The following SLC36A1 variants were observed in gnomAD, a reference collection of about 807,000 sequenced individuals.
SLC36A1 encodes proton-coupled amino acid transporter 1.
Under a neutral mutation model 47.5 loss-of-function variants are expected in SLC36A1, and 30 were observed. That is an observed-to-expected ratio of 0.63 (90% CI 0.47 to 0.86). The LOEUF (loss-of-function observed/expected upper bound fraction) is 0.86. Among genes scored for constraint, SLC36A1 ranks in the 40% least tolerant of loss-of-function variants. The pLI is 0.00. For synonymous variants in SLC36A1, 255 were observed against 249.7 expected, an observed-to-expected ratio of 1.02 and a Z score of -0.20; for missense variants, 517 against 606.0, an observed-to-expected ratio of 0.85 and a Z score of 1.54.
the SLC36A1 span, among the ~76,000 whole-genome samples, chr5:151,373,571 A>C: frequency 6.6e-6 from 1 of 152,194 alleles, no homozygotes; most frequent in Admixed American, 6.5e-5. Flanking sequence ...CCTTTTTTTA[A>C]AAAAACAAAT....
the SLC36A1 span, among the ~76,000 whole-genome samples, chr5:151,530,263 A>G: frequency 6.6e-6 from 1 of 152,244 alleles, no homozygotes; most frequent in African/African-American, 2.4e-5. Context: ...AAAAAAAAAA[A>G]AAGCCAGTTA....
chr5:151,427,542 G>T, the SLC36A1 span, among the ~76,000 whole-genome samples: 1 of 152,264 alleles, frequency 6.6e-6, no homozygotes, highest in African/African-American at 2.4e-5. Context: ...TAAGAGTTTT[G>T]TCAGACTGAA....
chr5:151,463,741 A>G (rs948333640), intron 3 of SLC36A1, 98 bp downstream of exon 3: 13 of 920,474 alleles, frequency 1.4e-5, no homozygotes, highest in Non-Finnish European at 1.9e-5. Flanking sequence ...TTTTAAATAG[A>G]GAAGCATTTT....
At chr5:151,377,497 C>T in the SLC36A1 span, among the ~76,000 whole-genome samples, 5 of 151,272 alleles carry the variant, frequency 3.3e-5, no homozygotes, top group South Asian at 2.1e-4. Flanking sequence ...TACAGGCGCG[C>T]GCCACCATGC....
chr5:151,433,426 G>A (rs933067678), upstream of SLC36A1, among the ~76,000 whole-genome samples: 2 of 147,830 alleles, frequency 1.4e-5, no homozygotes, highest in African/African-American at 2.5e-5. Context: ...TAGGATTACA[G>A]GCACCCACCA....
chr5:151,522,189 C>T, the SLC36A1 span: 1 of 929,680 alleles, frequency 1.1e-6, no homozygotes, highest in Non-Finnish European at 1.6e-6. Context: ...CTGCCCCACG[C>T]CCAACTTGAG....
chr5:151,349,475 G>A, the SLC36A1 span, among the ~76,000 whole-genome samples: 64 of 152,136 alleles, frequency 4.2e-4, no homozygotes, highest in African/African-American at 1.5e-3. Context: ...CTCTAACTAT[G>A]AAGCTGTGGC....
At chr5:151,535,076 A>G in the SLC36A1 span, among the ~76,000 whole-genome samples, 1 of 150,760 alleles carries the variant, frequency 6.6e-6, no homozygotes, top group Admixed American at 6.6e-5. Context: ...TGTTTATAAT[A>G]GCAACTATTG....
Position 151,479,342 on chromosome 5 carries a change from C to T in SLC36A1, c.1012C>T (p.Leu338=), listed in dbSNP as rs771658276. 1 of 1,614,172 alleles carries T rather than the reference C, an allele frequency of 6.2e-7. No homozygotes were observed. Among genetic ancestry groups the T allele is most frequent in the South Asian group, 1.1e-5 (1 of 91,088 alleles). Residue 338 remains leucine, a synonymous_variant, in exon 10 of 11, where the codon CTG becomes TTG. Transcript: ENST00000243389. ...NCWLYQSVKL[L]YSIGIFFTYA... ...CAGGTTGTACCAGTCAGTTAAGCTG[C>T]TGTACTCCATCGGGATCTTTTTCAC...
At chr5:151,529,998 A>C in the SLC36A1 span, among the ~76,000 whole-genome samples, 8 of 152,224 alleles carry the variant, frequency 5.3e-5, no homozygotes, top group African/African-American at 1.4e-4. Context: ...ACAGCATCAC[A>C]TGCCAATGAA....
At chr5:151,544,428 A>G in the SLC36A1 span, 2 of 1,614,086 alleles carry the variant, frequency 1.2e-6, no homozygotes, top group South Asian at 1.1e-5. Flanking sequence ...TCTTGGACTC[A>G]TAGTCCAAAG....
At chr5:151,362,387 TTC>T in the SLC36A1 span, among the ~76,000 whole-genome samples, 1 of 136,052 alleles carries the variant, frequency 7.4e-6, no homozygotes, top group East Asian at 2.1e-4. Context: ...TGATTGATTC[TTC>T]TTTTTTTTTT....
chr5:151,441,826 A>G (rs527874780), intron 1 of SLC36A1, among the ~76,000 whole-genome samples: 3 of 152,178 alleles, frequency 2.0e-5, no homozygotes, highest in Middle Eastern at 3.2e-3. Context: ...ATGTAACTTG[A>G]TAAGTTTCAA....
the SLC36A1 span, among the ~76,000 whole-genome samples, chr5:151,370,693 T>A: frequency 6.6e-6 from 1 of 152,144 alleles, no homozygotes; most frequent in Non-Finnish European, 1.5e-5. Context: ...GACCACTATC[T>A]GATTTAAATT....
At chr5:151,458,598 C>G (rs1369591895) in intron 1 of SLC36A1, among the ~76,000 whole-genome samples, 190 bp from the exon 2 acceptor site, 1 of 152,072 alleles carries the variant, frequency 6.6e-6, no homozygotes, top group Non-Finnish European at 1.5e-5. Context: ...GTCAAGTGAA[C>G]TCAGCCCGCC....
the SLC36A1 span, among the ~76,000 whole-genome samples, chr5:151,430,445 C>T: frequency 2.0e-5 from 3 of 151,676 alleles, no homozygotes; most frequent in African/African-American, 7.3e-5. Context: ...GCCTCAGCCT[C>T]CTGAGTAGCT....
chr5:151,420,404 C>T, the SLC36A1 span, among the ~76,000 whole-genome samples: 7 of 152,308 alleles, frequency 4.6e-5, no homozygotes, highest in Admixed American at 3.3e-4. Context: ...GAGTCAGGAC[C>T]TGACCCTAGG....
chr5:151,482,443 AAAG>A (rs1177926878), intron 10 of SLC36A1, among the ~76,000 whole-genome samples: 1 of 152,244 alleles, frequency 6.6e-6, no homozygotes, highest in African/African-American at 2.4e-5. Flanking sequence ...TACTCTAAAA[AAAG>A]AAAGTCAATG....
At chr5:151,521,987 T>A in the SLC36A1 span, 1 of 1,614,118 alleles carries the variant, frequency 6.2e-7, no homozygotes, top group Non-Finnish European at 8.5e-7. Flanking sequence ...GTGATGAAGA[T>A]CTCCAGTGGG....
Sources: allele counts gnomAD v4.1 joint callset (sites outside exome capture counted in the v4.1 genomes callset), GRCh38; gene constraint gnomAD v4.1.1; transcripts MANE v1.5; gene names NCBI Gene and HGNC (gene_info 2026-07-23, HGNC 2026-07-21).